Variants in RUNX2 observed in about 807,000 individuals in gnomAD.
The protein encoded by RUNX2 is runt-related transcription factor 2.
Under a neutral mutation model 51.7 loss-of-function variants are expected in RUNX2, and 10 were observed. The ratio of observed to expected loss-of-function variants is 0.19; its 90% CI spans 0.12 to 0.33. The LOEUF is 0.33. Among genes scored for constraint, RUNX2 ranks in the 10% least tolerant of loss-of-function variants. RUNX2 has a pLI of 1.00. For missense variants in RUNX2, 562 were observed against 691.3 expected (o/e 0.81, Z 2.10); for synonymous variants, 276 against 273.6 (o/e 1.01, Z -0.09).
At chr6:45,383,605 C>T (rs1797287660) in intron 2 of RUNX2, among the ~76,000 whole-genome samples, 1 of 151,778 alleles carries the variant, frequency 6.6e-6, no homozygotes, top group African/African-American at 2.4e-5. Flanking sequence ...TAAACATCCC[C>T]TTGTTTAAAA....
chr6:45,512,222 G>A (rs1801176977), intron 6 of RUNX2, 24 bp from the exon 7 acceptor site: 1 of 1,611,472 alleles, frequency 6.2e-7, no homozygotes. Flanking sequence ...CTATACTAAA[G>A]ATTTTTCTTT....
At chr6:45,511,301 A>T (rs1164382111) in intron 6 of RUNX2, among the ~76,000 whole-genome samples, 1 of 152,222 alleles carries the variant, frequency 6.6e-6, no homozygotes, top group Non-Finnish European at 1.5e-5. Flanking sequence ...TCAGCAATTA[A>T]ACCTAAACAG....
At chr6:45,492,563 T>C (rs947684705) in intron 6 of RUNX2, among the ~76,000 whole-genome samples, 10 of 152,288 alleles carry the variant, frequency 6.6e-5, no homozygotes, top group African/African-American at 1.9e-4. Context: ...GAAGCCTTGA[T>C]TGGTAGTTAT....
Position 45,547,006 on chromosome 6 carries a change from C to A in RUNX2, c.1267C>A (p.Pro423Thr). The A allele has an allele frequency of 6.2e-7, 1 of 1,614,082 alleles. No homozygotes were observed. ...SATTHYHTYL[P>T]PPYPGSSQSQ... Reference sequence around the variant, plus strand: ...CACCACTCACTACCACACCTACCTGCCACCACCCTACCCCGGCTCTTCCCA... The same window carrying A: ...CACCACTCACTACCACACCTACCTGACACCACCCTACCCCGGCTCTTCCCA... Residue 423 changes from proline to threonine, a missense_variant, in exon 9 of 9, where the codon CCA (proline) becomes ACA (threonine). Physicochemically the swap from Pro to Thr is conservative, Grantham distance 38 (BLOSUM62 -1). Around this residue, in one of 5 missense-constraint regions of RUNX2, gnomAD observed 304 missense variants for 353.2 expected, o/e 0.86. Coordinates refer to ENST00000647337, the MANE Select transcript of RUNX2 (RefSeq NM_001024630.4).
At chr6:45,399,374 T>C (rs1403397646) in intron 2 of RUNX2, among the ~76,000 whole-genome samples, 5 of 129,164 alleles carry the variant, frequency 3.9e-5, no homozygotes, top group Non-Finnish European at 6.6e-5. Flanking sequence ...TTTTTTTTTT[T>C]TTTGAGATGG....
intron 2 of RUNX2, chr6:45,371,795 T>C (rs1301395483): frequency 2.0e-6 from 2 of 978,420 alleles, no homozygotes; most frequent in African/African-American, 3.5e-5. Context: ...CAAACATATA[T>C]GCAAATTGGT....
chr6:45,519,684 G>C (rs1801437737), intron 7 of RUNX2, among the ~76,000 whole-genome samples: 1 of 151,272 alleles, frequency 6.6e-6, no homozygotes, highest in African/African-American at 2.4e-5. Flanking sequence ...CTTTCACTTG[G>C]TAATATGCAT....
intron 5 of RUNX2, among the ~76,000 whole-genome samples, chr6:45,475,858 C>A (rs1320068287): frequency 1.3e-5 from 2 of 152,170 alleles, no homozygotes; most frequent in Non-Finnish European, 2.9e-5. Flanking sequence ...AGGGCCTGAT[C>A]TTGAAATACT....
intron 5 of RUNX2, among the ~76,000 whole-genome samples, chr6:45,440,643 C>T (rs965235793): frequency 1.1e-4 from 14 of 123,538 alleles, no homozygotes; most frequent in Non-Finnish European, 7.1e-5. Context: ...AGAAGTGTTT[C>T]GGATTTCAAT....
intron 3 of RUNX2, among the ~76,000 whole-genome samples, chr6:45,425,189 A>G (rs1009595286): frequency 6.6e-6 from 1 of 152,234 alleles, no homozygotes; most frequent in Non-Finnish European, 1.5e-5. Context: ...AAAGTGTTCC[A>G]TATACCATTC....
In RUNX2 at chr6:45,512,229, C is replaced by A; in HGVS notation, c.860-17C>A. On this transcript the variant is annotated splice_polypyrimidine_tract_variant and intron_variant, in intron 6 of 8. Transcript: ENST00000647337. ...AATGGTTGCTATACTAAAGATTTTT[C>A]TTTTTCTTTTTCCCAGACCCCAGGC... The A allele has an allele frequency of 6.2e-7, 1 of 1,611,172 alleles. No individual in the cohort carries two copies. The highest frequency in any genetic ancestry group is 1.1e-5 in the South Asian group (1 of 91,030).
chr6:45,510,690 C>T lies in RUNX2; in HGVS notation c.860-1556C>T, dbSNP rs866187597. On this transcript the variant is annotated intron_variant, in intron 6 of 8. Transcript: ENST00000647337. ...AAACCTATTCCAAGTGTATTAACTC[C>T]AGTTCAGATATGTTTGAAACATGGA... 6.1e-4 allele frequency among the ~76,000 whole-genome samples: 93 copies of T among 151,608 alleles called. 1 individual carries two copies. The highest frequency in any genetic ancestry group is 2.2e-3 in the African/African-American group (93 of 41,358).
Position 45,422,882 on chromosome 6 carries a change from C to G in RUNX2, c.348C>G (p.Thr116=), listed in dbSNP as rs552061660. ...IADHPAELVR[T]DSPNFLCSVL... is the part of the protein sequence containing the mutation. ...ACCACCCGGCCGAACTCGTCCGCAC[C>G]GACAGCCCCAACTTCCTGTGCTCGG... Residue 116 remains threonine, a synonymous_variant, in exon 3 of 9, where the codon ACC becomes ACG. Transcript: ENST00000647337. The G allele has an allele frequency of 7.3e-5, 117 of 1,612,758 alleles. 1 individual carries two copies. The South Asian group carries it at 1.1e-3, about 15-fold the overall frequency.
chr6:45,453,994 C>A (rs1485115435), intron 5 of RUNX2, among the ~76,000 whole-genome samples: 1 of 152,096 alleles, frequency 6.6e-6, no homozygotes, highest in African/African-American at 2.4e-5. Context: ...TTTTGTGAGA[C>A]CTGGTGCAGC....
At chr6:45,398,726 G>A (rs753182775) in intron 2 of RUNX2, among the ~76,000 whole-genome samples, 3 of 152,118 alleles carry the variant, frequency 2.0e-5, no homozygotes, top group Non-Finnish European at 4.4e-5. Flanking sequence ...CCAACTTAGG[G>A]CTTTCCTCCT....
intron 7 of RUNX2, among the ~76,000 whole-genome samples, chr6:45,516,947 GT>G (rs57286794): frequency 0.11 from 16,125 of 149,742 alleles, 1,011 homozygotes; most frequent in Non-Finnish European, 0.15. Flanking sequence ...GCTTACACAG[GT>G]TTTTTTTTTC....
At chr6:45,532,162 ATTTTTTTT>A (rs3055521) in intron 7 of RUNX2, among the ~76,000 whole-genome samples, 58 of 85,132 alleles carry the variant, frequency 6.8e-4, no homozygotes, top group Admixed American at 2.8e-3. Flanking sequence ...GAAAACCTAG[ATTTTTTTT>A]TTTTTTTTTT....
At chr6:45,414,206 G>A (rs1798013659) in intron 2 of RUNX2, among the ~76,000 whole-genome samples, 1 of 152,092 alleles carries the variant, frequency 6.6e-6, no homozygotes, top group Admixed American at 6.6e-5. Flanking sequence ...GACCAAGATT[G>A]TGGCTTCTAG....
At chr6:45,406,234 G>A (rs914859638) in intron 2 of RUNX2, among the ~76,000 whole-genome samples, 4 of 151,854 alleles carry the variant, frequency 2.6e-5, no homozygotes, top group African/African-American at 9.7e-5. Flanking sequence ...TATGATAAGG[G>A]AACTTAACCA....
Sources: gnomAD v4.1 joint callset for allele counts (sites outside exome capture counted in the v4.1 genomes callset) on GRCh38, gnomAD v4.1.1 for gene constraint, gnomAD v4.1.1 regional missense constraint, MANE v1.5 for transcripts, NCBI Gene and HGNC (gene_info 2026-07-23, HGNC 2026-07-21) for gene names.